FBXL17: variants seen among roughly 807,000 people sequenced by gnomAD.
FBXL17 encodes the protein F-box and leucine rich repeat protein 17.
A neutral mutation model predicts 66.2 loss-of-function variants in FBXL17; 22 were observed. That is an observed-to-expected ratio of 0.33 (90% CI 0.24 to 0.47). The LOEUF is 0.47. Among genes scored for constraint, FBXL17 ranks in the 20% least tolerant of loss-of-function variants. The pLI is 1.00. For missense variants in FBXL17, 878 were observed against 948.2 expected, an observed-to-expected ratio of 0.93 and a Z score of 0.97; for synonymous variants, 474 against 400.5, an observed-to-expected ratio of 1.18 and a Z score of -2.19.
Position 108,216,464 on chromosome 5 carries a change from T to C in FBXL17, c.1614+7657A>G, listed in dbSNP as rs148852905. ...AAATGAAAGGTTTTCCTTTATTTCA[T>C]TTGCAGATTATTCATTGCCAGCATA... is the stretch of plus-strand genomic sequence containing the variant. On this transcript the variant is annotated intron_variant, in intron 5 of 8. Coordinates refer to ENST00000542267, the MANE Select transcript of FBXL17 (RefSeq NM_001163315.3). 7.1e-3 allele frequency among the ~76,000 whole-genome samples: 1,084 copies of C among 152,298 alleles called. 21 individuals carry two copies. Among genetic ancestry groups the C allele is most frequent in the African/African-American group, 0.024 (1,005 of 41,550 alleles).
At chr5:108,194,688 T>A (rs1291135192) in intron 5 of FBXL17, among the ~76,000 whole-genome samples, 4 of 152,200 alleles carry the variant, frequency 2.6e-5, no homozygotes, top group African/African-American at 9.6e-5. Context: ...GTCTCTGAGG[T>A]AGCAGTTGTG....
At chr5:108,195,720 G>C (rs1753653302) in intron 5 of FBXL17, among the ~76,000 whole-genome samples, 1 of 152,180 alleles carries the variant, frequency 6.6e-6, no homozygotes, top group African/African-American at 2.4e-5. Context: ...AGTTATCAGT[G>C]ACTTGGACCA....
chr5:108,355,020 A>G (rs1196137066), intron 3 of FBXL17, among the ~76,000 whole-genome samples: 1 of 152,088 alleles, frequency 6.6e-6, no homozygotes. Flanking sequence ...AAACGATAAA[A>G]GAAGTTTTTC....
rs185361819 is a variant in FBXL17, at chr5:108,368,453, T to C, written c.994-500A>G. 9.2e-5 allele frequency among the ~76,000 whole-genome samples: 14 copies of C among 152,266 alleles called. No individual in the cohort carries two copies. The East Asian group carries it at 2.7e-3, about 29-fold the overall frequency. ...AGAAAGGTACTTTACCTTTATGGTA[T>C]CTTTTCCAAAATATTCATAACACCA... On this transcript the variant is annotated intron_variant, in intron 1 of 8. Coordinates refer to ENST00000542267, the MANE Select transcript of FBXL17 (RefSeq NM_001163315.3).
rs1315385447 is a variant in FBXL17, at chr5:108,381,325, A to C, written c.367T>G (p.Ser123Ala). 7 of 1,379,098 alleles carry C rather than the reference A, an allele frequency of 5.1e-6. No individual in the cohort carries two copies. The highest frequency in any genetic ancestry group is 2.6e-4 in the Middle Eastern group (1 of 3,920). 85.4% of individuals were successfully genotyped at this position (1,379,098 alleles called of 1,614,324 possible). The change falls in exon 1 of 9, where the codon TCG becomes GCG. Residue 123 changes from serine (S) to alanine (A), a missense_variant. Ser to Ala is a moderately conservative substitution (Grantham distance 99). Transcript: ENST00000542267. The part of the protein sequence containing the change: ...AAAARRFLLS[S>A]AAAAAAAAAS... Reference sequence around the variant, plus strand: ...GCAGCGGCGGCGGCGGCGGCGGCCGAGGATAGCAGGAAGCGGCGGGCAGCA... The same window carrying C: ...GCAGCGGCGGCGGCGGCGGCGGCCGCGGATAGCAGGAAGCGGCGGGCAGCA...
chr5:108,139,664 T>C (rs532084663), intron 6 of FBXL17, among the ~76,000 whole-genome samples: 16 of 152,200 alleles, frequency 1.1e-4, no homozygotes, highest in Non-Finnish European at 4.4e-5. Context: ...CACAATTTGA[T>C]TGGCTTCAAA....
chr5:107,879,148 G>C (rs1054391082), intron 8 of FBXL17: 4 of 985,172 alleles, frequency 4.1e-6, no homozygotes, highest in Non-Finnish European at 4.8e-6. Context: ...AACTTCTACA[G>C]TGTATCTCCG....
chr5:107,990,029 T>G (rs988007776), intron 7 of FBXL17, among the ~76,000 whole-genome samples: 1 of 152,156 alleles, frequency 6.6e-6, no homozygotes, highest in African/African-American at 2.4e-5. Flanking sequence ...GATCTGAAAC[T>G]GGATTCTGGG....
chr5:107,863,249 C>T (rs961047034), intron 8 of FBXL17, among the ~76,000 whole-genome samples: 1 of 151,334 alleles, frequency 6.6e-6, no homozygotes, highest in African/African-American at 2.4e-5. Flanking sequence ...CAGCTTATAA[C>T]AGTACATTTA....
chr5:107,883,062 TTTC>T (rs1748843296), intron 7 of FBXL17, among the ~76,000 whole-genome samples: 2 of 152,350 alleles, frequency 1.3e-5, no homozygotes, highest in Admixed American at 1.3e-4. Flanking sequence ...AACTTTTTTA[TTTC>T]TTAACTCATT....
At chr5:108,324,914 T>A (rs960205858) in intron 4 of FBXL17, among the ~76,000 whole-genome samples, 2 of 151,932 alleles carry the variant, frequency 1.3e-5, no homozygotes, top group Admixed American at 6.6e-5. Context: ...TAATGAATAA[T>A]CTGAAAAAGA....
chr5:108,056,999 T>TA (rs1747733588), intron 6 of FBXL17, among the ~76,000 whole-genome samples: 1 of 152,294 alleles, frequency 6.6e-6, no homozygotes, highest in African/African-American at 2.4e-5. Context: ...ACCTTTCTCC[T>TA]AAATGTTCAA....
intron 8 of FBXL17, among the ~76,000 whole-genome samples, chr5:107,872,840 C>T (rs181806930): frequency 7.8e-4 from 119 of 152,288 alleles, no homozygotes; most frequent in African/African-American, 2.3e-3. Context: ...GAGGGAATGG[C>T]GGCACAGGGA....
chr5:108,244,352 T>A (rs1196130497), intron 4 of FBXL17, among the ~76,000 whole-genome samples: 2 of 152,170 alleles, frequency 1.3e-5, no homozygotes, highest in Non-Finnish European at 2.9e-5. Flanking sequence ...TATAACCCTA[T>A]GAAATTACTG....
rs534525747 is a variant in FBXL17 at position 108,221,435 on chromosome 5, T to C, written c.1614+2686A>G. 9.2e-5 allele frequency among the ~76,000 whole-genome samples: 14 copies of C among 152,280 alleles called. No individual in the cohort carries two copies. The South Asian group carries it at 1.9e-3, about 20-fold the overall frequency. The stretch of plus-strand genomic sequence containing the variant: ...CATAGATTCTTCAGGGTGCAAGAAA[T>C]TGCAGATCTGAAGACAGATCATCTA... On this transcript the variant is annotated intron_variant, in intron 5 of 8. Coordinates refer to ENST00000542267, the MANE Select transcript of FBXL17 (RefSeq NM_001163315.3).
At chr5:107,883,445 G>A (rs890651238) in intron 7 of FBXL17, among the ~76,000 whole-genome samples, 1 of 151,948 alleles carries the variant, frequency 6.6e-6, no homozygotes, top group Non-Finnish European at 1.5e-5. Flanking sequence ...GATTCATGGA[G>A]CTCAGAGGCC....
At chr5:108,154,684 C>CATATATATGTGTAT (rs1561437344) in intron 6 of FBXL17, among the ~76,000 whole-genome samples, 1 of 138,700 alleles carries the variant, frequency 7.2e-6, no homozygotes, top group African/African-American at 2.7e-5. Context: ...TATATATATA[C>CATATATATGTGTAT]ACATATATAT....
At chr5:107,880,828 A>G in intron 8 of FBXL17, 1 of 1,362,880 alleles carries the variant, frequency 7.3e-7, no homozygotes, top group Non-Finnish European at 9.4e-7. Flanking sequence ...CACAAAATTC[A>G]TTATTAAGTG....
At chr5:108,188,393 C>T (rs961348560) in intron 5 of FBXL17, among the ~76,000 whole-genome samples, 3 of 152,156 alleles carry the variant, frequency 2.0e-5, no homozygotes, top group African/African-American at 4.8e-5. Context: ...TTAGTAAAGG[C>T]AGAGCTTCAG....
Sources: gnomAD v4.1 joint callset for allele counts (sites outside exome capture counted in the v4.1 genomes callset) on GRCh38, gnomAD v4.1.1 for gene constraint, MANE v1.5 for transcripts, NCBI Gene and HGNC (gene_info 2026-07-23, HGNC 2026-07-21) for gene names.